The following LOC122513141 variants were observed in gnomAD, a reference collection of about 807,000 sequenced individuals.
At chr9:137,218,156 T>A in the LOC122513141 span, 1 of 398,340 alleles carries the variant, frequency 2.5e-6, no homozygotes, top group Middle Eastern at 6.3e-4. Flanking sequence ...GTGTGTGGGC[T>A]GCCTGCACAG....
chr9:137,218,668 C>G, the LOC122513141 span: 1 of 398,454 alleles, frequency 2.5e-6, no homozygotes, highest in East Asian at 3.6e-5. Context: ...GTCCCCATGC[C>G]TGGGTGCTGT....
the LOC122513141 span, chr9:137,217,961 A>G: frequency 5.0e-6 from 2 of 398,546 alleles, no homozygotes; most frequent in African/African-American, 4.1e-5. Flanking sequence ...AGGTGCTGAG[A>G]CTACAGCCAG....
chr9:137,218,694 G>A, the LOC122513141 span: 11 of 397,912 alleles, frequency 2.8e-5, no homozygotes, highest in Non-Finnish European at 4.0e-5. Flanking sequence ...CTGATGACCA[G>A]GCTGGAAAAA....
chr9:137,218,223 G>T, the LOC122513141 span: 1 of 398,360 alleles, frequency 2.5e-6, no homozygotes, highest in East Asian at 3.6e-5. Flanking sequence ...CCGCTGTGCC[G>T]CCAGAAGACG....
At chr9:137,218,807 GCA>G in the LOC122513141 span, 1 of 395,960 alleles carries the variant, frequency 2.5e-6, no homozygotes, top group Non-Finnish European at 4.4e-6. Flanking sequence ...GTCCATGGCT[GCA>G]CTGCTGCCCA....
At chr9:137,218,370 A>G in the LOC122513141 span, 1 of 398,400 alleles carries the variant, frequency 2.5e-6, no homozygotes, top group Non-Finnish European at 4.4e-6. Flanking sequence ...GAGCACCGCT[A>G]CCAGCTGCGC....
the LOC122513141 span, chr9:137,218,214 C>G: frequency 1.5e-5 from 6 of 398,418 alleles, no homozygotes; most frequent in South Asian, 1.3e-4. Flanking sequence ...GTGCGCTGCC[C>G]GCTGTGCCGC....
At chr9:137,218,889 GTC>G in the LOC122513141 span, 1 of 363,810 alleles carries the variant, frequency 2.7e-6, no homozygotes, top group Non-Finnish European at 4.9e-6. Context: ...CAGCAGGAAA[GTC>G]TGTGAGCAGG....
the LOC122513141 span, chr9:137,219,313 G>A: frequency 2.6e-5 from 4 of 152,142 alleles, 1 homozygote; most frequent in South Asian, 4.1e-4. Context: ...AGAGATGGAG[G>A]ACTGATCCTG....
chr9:137,218,110 G>T, the LOC122513141 span: 7 of 398,664 alleles, frequency 1.8e-5, no homozygotes, highest in South Asian at 7.6e-4. Context: ...GGCCCAGAGA[G>T]CGCCGCCTGG....
the LOC122513141 span, chr9:137,218,378 C>T: frequency 3.3e-5 from 13 of 398,494 alleles, no homozygotes; most frequent in Admixed American, 1.3e-4. Flanking sequence ...CTACCAGCTG[C>T]GCTTCCTGGC....
chr9:137,219,087 C>T, the LOC122513141 span: 1 of 155,038 alleles, frequency 6.5e-6, no homozygotes, highest in South Asian at 2.1e-4. Context: ...CAGTGTGTGT[C>T]CCTGAAGGTC....
At chr9:137,217,669 T>G in the LOC122513141 span, 1 of 261,038 alleles carries the variant, frequency 3.8e-6, no homozygotes. Flanking sequence ...CCACTTCCAG[T>G]GAGGAGAGCC....
chr9:137,218,510 C>T, the LOC122513141 span: 10 of 400,414 alleles, frequency 2.5e-5, no homozygotes, highest in Non-Finnish European at 4.0e-5. Flanking sequence ...GCTGAGCCTG[C>T]TGGCCCTTGA....
the LOC122513141 span, chr9:137,218,570 C>G: frequency 3.3e-5 from 13 of 399,232 alleles, no homozygotes; most frequent in Non-Finnish European, 5.3e-5. Flanking sequence ...GCTGGGACTG[C>G]TCTTCGTGCT....
chr9:137,218,215 G>A, the LOC122513141 span: 12 of 398,284 alleles, frequency 3.0e-5, no homozygotes, highest in African/African-American at 2.1e-4. Context: ...TGCGCTGCCC[G>A]CTGTGCCGCC....
At chr9:137,218,918 G>A in the LOC122513141 span, 14 of 317,496 alleles carry the variant, frequency 4.4e-5, no homozygotes, top group Non-Finnish European at 7.5e-5. Flanking sequence ...TTCACCCTGC[G>A]GCAGACGGGC....
the LOC122513141 span, chr9:137,218,471 C>T: frequency 1.5e-5 from 6 of 396,984 alleles, no homozygotes; most frequent in Non-Finnish European, 2.2e-5. Context: ...CCTGCGGGAG[C>T]GGGGACCCTG....
At chr9:137,218,522 C>T in the LOC122513141 span, 2 of 400,946 alleles carry the variant, frequency 5.0e-6, no homozygotes, top group Non-Finnish European at 8.8e-6. Flanking sequence ...GGCCCTTGAG[C>T]TTCTGGGGCT....
Sources: gnomAD v4.1 joint callset for allele counts on GRCh38, gnomAD v4.1.1 for gene constraint, MANE v1.5 for transcripts.